Variants in TBC1D32 observed in about 807,000 individuals in gnomAD.
TBC1D32 encodes the protein protein broad-minded.
TBC1D32 carries 151 observed loss-of-function variants against 170.3 expected under a neutral mutation model. The observed-to-expected ratio is 0.89, with a 90% CI of 0.78 to 1.01. The LOEUF (loss-of-function observed/expected upper bound fraction) is 1.01, where lower values mean the gene tolerates loss of function less well. TBC1D32 is among the 50% of genes least tolerant of loss of function. The pLI, the probability that TBC1D32 is intolerant of heterozygous loss-of-function variation, is 0.00. For missense variants in TBC1D32, 1,464 were observed against 1,457.1 expected (o/e 1.00, Z -0.08); for synonymous variants, 498 against 488.0 (o/e 1.02, Z -0.27).
chr6:121,297,062 C>T (rs1368963502), intron 10 of TBC1D32, among the ~76,000 whole-genome samples: 2 of 151,998 alleles, frequency 1.3e-5, no homozygotes, highest in Non-Finnish European at 2.9e-5. Flanking sequence ...CTTAAACATG[C>T]TATCTTTATT....
chr6:121,288,218 G>C (rs1380301289), intron 12 of TBC1D32, among the ~76,000 whole-genome samples: 2 of 152,074 alleles, frequency 1.3e-5, no homozygotes, highest in Non-Finnish European at 2.9e-5. Context: ...CCAGGAGCTG[G>C]TTTTTTGAAA....
intron 9 of TBC1D32, among the ~76,000 whole-genome samples, chr6:121,302,283 G>A (rs1244432755): frequency 6.6e-6 from 1 of 152,126 alleles, no homozygotes; most frequent in Non-Finnish European, 1.5e-5. Context: ...GGGATGAATA[G>A]CTACAATAGG....
At chr6:121,267,314 C>T (rs548012599) in intron 15 of TBC1D32, among the ~76,000 whole-genome samples, 41 of 152,216 alleles carry the variant, frequency 2.7e-4, no homozygotes, top group African/African-American at 7.9e-4. Context: ...CGAAGCAGGG[C>T]GGGGCATCGC....
chr6:121,080,404 C>A lies in TBC1D32; in HGVS notation c.*367G>T. 1 of 284,420 alleles carries A rather than the reference C, an allele frequency of 3.5e-6. No homozygotes were observed. Among genetic ancestry groups the A allele is most frequent in the Non-Finnish European group, 7.4e-6 (1 of 135,858 alleles). 17.6% of individuals were successfully genotyped at this position (284,420 alleles called of 1,614,324 possible). On this transcript the variant is annotated 3_prime_UTR_variant, in exon 32 of 32. Coordinates refer to ENST00000398212, the MANE Select transcript of TBC1D32 (RefSeq NM_152730.6). Reference sequence around the variant, plus strand: ...CTAATTTCAGTATTGTTAGCAGAGACGAGGTTTCACCATTTTGGCCAGGAT... The same window carrying A: ...CTAATTTCAGTATTGTTAGCAGAGAAGAGGTTTCACCATTTTGGCCAGGAT...
chr6:121,083,112 G>C (rs545295603), intron 31 of TBC1D32, among the ~76,000 whole-genome samples: 1 of 151,848 alleles, frequency 6.6e-6, no homozygotes, highest in Non-Finnish European at 1.5e-5. Context: ...CCAGCTTATC[G>C]TTCAAGTTGT....
At chr6:121,332,252 A>T (rs564728906) in intron 1 of TBC1D32, among the ~76,000 whole-genome samples, 1 of 152,308 alleles carries the variant, frequency 6.6e-6, no homozygotes, top group East Asian at 1.9e-4. Context: ...AGAGCTGCAA[A>T]TTAATGAGCT....
At chr6:121,284,572 G>C (rs1803512765) in intron 12 of TBC1D32, among the ~76,000 whole-genome samples, 1 of 152,106 alleles carries the variant, frequency 6.6e-6, no homozygotes, top group African/African-American at 2.4e-5. Flanking sequence ...TGGACCAAAT[G>C]TGGCCCATAG....
intron 15 of TBC1D32, among the ~76,000 whole-genome samples, chr6:121,272,154 C>A (rs147665575): frequency 0.033 from 5,001 of 152,184 alleles, 201 homozygotes; most frequent in East Asian, 0.12. Flanking sequence ...CATAAAAACC[C>A]TAGAAGAAAA....
At chr6:121,287,467 T>C (rs1465712950) in intron 12 of TBC1D32, among the ~76,000 whole-genome samples, 1 of 152,112 alleles carries the variant, frequency 6.6e-6, no homozygotes, top group African/African-American at 2.4e-5. Flanking sequence ...CCTAAATATA[T>C]ATGCACCCAA....
At chr6:121,220,677 A>G (rs1448817573) in intron 21 of TBC1D32, among the ~76,000 whole-genome samples, 2 of 124,826 alleles carry the variant, frequency 1.6e-5, no homozygotes, top group African/African-American at 6.5e-5. Flanking sequence ...GTCTCATTCT[A>G]TCGCCTAGGC....
At chr6:121,226,234 A>C (rs1240093069) in intron 20 of TBC1D32, among the ~76,000 whole-genome samples, 1 of 152,178 alleles carries the variant, frequency 6.6e-6, no homozygotes, top group Non-Finnish European at 1.5e-5. Flanking sequence ...CTCATAGTAT[A>C]GTGCAGGACA....
intron 16 of TBC1D32, 130 bp downstream of exon 16, chr6:121,255,954 G>T: frequency 1.3e-6 from 1 of 765,970 alleles, no homozygotes. Context: ...ATGTCCCCTA[G>T]AGTACTGTGA....
At chr6:121,318,322 A>G (rs1380045724) in intron 2 of TBC1D32, among the ~76,000 whole-genome samples, 4 of 152,086 alleles carry the variant, frequency 2.6e-5, no homozygotes, top group Non-Finnish European at 5.9e-5. Context: ...AAAAATCTCA[A>G]AAAGAACTGG....
At chr6:121,248,349 C>T (rs935574057) in intron 17 of TBC1D32, among the ~76,000 whole-genome samples, 4 of 151,900 alleles carry the variant, frequency 2.6e-5, no homozygotes, top group African/African-American at 9.7e-5. Flanking sequence ...GCATTAAATG[C>T]CTACATCAAA....
intron 30 of TBC1D32, among the ~76,000 whole-genome samples, chr6:121,099,002 T>C (rs1028554711): frequency 6.6e-6 from 1 of 151,988 alleles, no homozygotes. Flanking sequence ...TTTGCATTTG[T>C]ATAATTTTAC....
intron 15 of TBC1D32, among the ~76,000 whole-genome samples, chr6:121,270,842 C>T (rs1261292427): frequency 6.6e-6 from 1 of 152,258 alleles, no homozygotes; most frequent in African/African-American, 2.4e-5. Flanking sequence ...TCCTGATGAA[C>T]ATCGATGCAA....
intron 21 of TBC1D32, among the ~76,000 whole-genome samples, chr6:121,215,003 A>G (rs930069520): frequency 6.6e-6 from 1 of 152,124 alleles, no homozygotes; most frequent in Non-Finnish European, 1.5e-5. Context: ...CCCACAATGT[A>G]TATCTCCTCT....
intron 15 of TBC1D32, among the ~76,000 whole-genome samples, chr6:121,274,976 A>G (rs1295133464): frequency 6.6e-6 from 1 of 152,222 alleles, no homozygotes; most frequent in Non-Finnish European, 1.5e-5. Flanking sequence ...AAACAAAAAA[A>G]AAGATTAACT....
chr6:121,272,045 G>A lies in TBC1D32; in HGVS notation c.1733+7076C>T, dbSNP rs1933755264. Among the ~76,000 whole-genome samples, 3 of 152,108 alleles carry A rather than the reference G, an allele frequency of 2.0e-5. No homozygotes were observed. The South Asian group carries it at 6.2e-4, about 32-fold the overall frequency. ...TTAATAAATGGTGCTGGGAAAACTGGCTAGCCATATATAGAAAGCTGAAAC... is the reference window on the plus strand; with the variant it reads ...TTAATAAATGGTGCTGGGAAAACTGACTAGCCATATATAGAAAGCTGAAAC... On this transcript the variant is annotated intron_variant, in intron 15 of 31. Coordinates refer to ENST00000398212, the MANE Select transcript of TBC1D32 (RefSeq NM_152730.6).
Sources: allele counts gnomAD v4.1 joint callset (sites outside exome capture counted in the v4.1 genomes callset), GRCh38; gene constraint gnomAD v4.1.1; transcripts MANE v1.5; gene names NCBI Gene and HGNC (gene_info 2026-07-23, HGNC 2026-07-21).